The following SRGAP2B variants were observed in gnomAD, a reference collection of about 807,000 sequenced individuals.
SRGAP2B encodes the protein SLIT-ROBO Rho GTPase-activating protein 2B.
SRGAP2B carries 9 observed loss-of-function variants against 22.2 expected under a neutral mutation model. The ratio of observed to expected loss-of-function variants is 0.41; its 90% CI spans 0.24 to 0.71. The LOEUF is 0.71. Ranked by LOEUF, SRGAP2B falls within the 30% of genes least tolerant of loss-of-function variation. The probability of loss-of-function intolerance (pLI) is 0.35; values close to 1 mark genes in which losing one functional copy is unlikely to be tolerated. For synonymous variants in SRGAP2B, 36 were observed against 87.4 expected (o/e 0.41, Z 3.28); for missense variants, 114 against 235.8 (o/e 0.48, Z 3.38).
intron 7 of SRGAP2B, among the ~76,000 whole-genome samples, chr1:144,900,730 A>G (rs1206693410): frequency 2.2e-5 from 1 of 45,910 alleles, no homozygotes; most frequent in East Asian, 5.1e-4. Context: ...CAGATGTATG[A>G]TGACTTGAGT....
intron 4 of SRGAP2B, among the ~76,000 whole-genome samples, chr1:144,922,612 G>A (rs1169910228): frequency 6.6e-6 from 1 of 150,600 alleles, no homozygotes; most frequent in Admixed American, 6.6e-5. Context: ...GGTAGGGGTG[G>A]CAGAATGAAA....
intron 4 of SRGAP2B, among the ~76,000 whole-genome samples, chr1:144,927,042 C>T (rs587722811): frequency 2.6e-5 from 4 of 151,428 alleles, no homozygotes; most frequent in South Asian, 4.1e-4. Flanking sequence ...CTCTGCCTCC[C>T]GGCTTCACGC....
rs587733075 is a variant in SRGAP2B, at chr1:145,080,704, G to A, written c.67+12131C>T. On this transcript the variant is annotated intron_variant, in intron 2 of 9. Coordinates refer to ENST00000612199, the Ensembl canonical transcript of SRGAP2B. Reference sequence around the variant, plus strand: ...TAGCTAAGATAAATTACAGGCGCCCGCCACCATGCCCAGCTAACTTTTGTA... The same window carrying A: ...TAGCTAAGATAAATTACAGGCGCCCACCACCATGCCCAGCTAACTTTTGTA... Among the ~76,000 whole-genome samples, 21 of 148,742 alleles carry A rather than the reference G, an allele frequency of 1.4e-4. 2 individuals carry two copies. Among genetic ancestry groups the A allele is most frequent in the Non-Finnish European group, 2.1e-4 (14 of 67,644 alleles).
chr1:144,950,942 G>A (rs587759015), intron 4 of SRGAP2B, among the ~76,000 whole-genome samples: 6 of 150,370 alleles, frequency 4.0e-5, no homozygotes, highest in South Asian at 4.2e-4. Flanking sequence ...TCCACTTCCC[G>A]GGTTCAAGAG....
rs587746412 is a variant in SRGAP2B at position 144,941,121 on chromosome 1, C to T, written c.423+14318G>A. ...TACCCACAATATCTTGAAAAAAACACGTTACTACTTTTTAAAATTTTTTCT... is the reference window on the plus strand; with the variant it reads ...TACCCACAATATCTTGAAAAAAACATGTTACTACTTTTTAAAATTTTTTCT... On this transcript the variant is annotated intron_variant, in intron 4 of 9. Transcript: ENST00000612199. 2.0e-4 allele frequency among the ~76,000 whole-genome samples: 29 copies of T among 144,502 alleles called. 2 individuals carry two copies. Among genetic ancestry groups the T allele is most frequent in the African/African-American group, 5.8e-4 (22 of 37,900 alleles). 94.8% of individuals were successfully genotyped at this position (144,502 alleles called of 152,430 possible). A position where few individuals can be genotyped will look rare whatever the true frequency, so the allele number is the denominator to read the frequency against.
In SRGAP2B at chr1:145,061,635, T is replaced by G. The variant is rs1484678204; in HGVS notation, c.67+31200A>C. Among the ~76,000 whole-genome samples, 5 of 150,264 alleles carry G rather than the reference T, an allele frequency of 3.3e-5. No homozygotes were observed. In the East Asian group the frequency reaches 9.7e-4, roughly 29 times the overall value. On this transcript the variant is annotated intron_variant, in intron 2 of 9. Transcript: ENST00000612199. Reference sequence around the variant, plus strand: ...CAGGGTCTCACTCTGTCGCCCAGACTGGAGTGTAGTGGTGTGATCTCGGCT... The same window carrying G: ...CAGGGTCTCACTCTGTCGCCCAGACGGGAGTGTAGTGGTGTGATCTCGGCT...
intron 5 of SRGAP2B, among the ~76,000 whole-genome samples, chr1:144,912,557 T>C: frequency 6.8e-6 from 1 of 147,760 alleles, no homozygotes; most frequent in East Asian, 2.0e-4. Flanking sequence ...GTCAGATAAT[T>C]CTTTGTTGTG....
intron 4 of SRGAP2B, among the ~76,000 whole-genome samples, chr1:144,941,388 A>G (rs1553607368): frequency 7.7e-6 from 1 of 129,610 alleles, no homozygotes. Context: ...GGTCTTTTAA[A>G]CAATTAGTGC....
chr1:144,930,516 A>T (rs1180678461), intron 4 of SRGAP2B, among the ~76,000 whole-genome samples: 1 of 144,250 alleles, frequency 6.9e-6, no homozygotes, highest in Non-Finnish European at 1.5e-5. Context: ...CAAATGGAGG[A>T]ACTCTACAAG....
intron 2 of SRGAP2B, among the ~76,000 whole-genome samples, chr1:145,005,942 T>C (rs1479966779): frequency 6.6e-6 from 1 of 150,474 alleles, no homozygotes; most frequent in East Asian, 1.9e-4. Flanking sequence ...ATTGAGGGCC[T>C]GCTCTGCCAG....
chr1:144,996,268 C>G (rs12027856), intron 2 of SRGAP2B, among the ~76,000 whole-genome samples: 14 of 149,418 alleles, frequency 9.4e-5, no homozygotes, highest in South Asian at 8.4e-4. Flanking sequence ...CAATCCCCAT[C>G]TGAGTCAGAA....
At chr1:144,939,278 T>C (rs1174039299) in intron 4 of SRGAP2B, among the ~76,000 whole-genome samples, 1 of 147,184 alleles carries the variant, frequency 6.8e-6, no homozygotes, top group East Asian at 2.0e-4. Flanking sequence ...TCAGATAATA[T>C]GGAAATCTTC....
At chr1:144,991,036 C>T (rs1242663545) in intron 3 of SRGAP2B, among the ~76,000 whole-genome samples, 1 of 150,680 alleles carries the variant, frequency 6.6e-6, no homozygotes, top group Non-Finnish European at 1.5e-5. Flanking sequence ...GGAATGCGAG[C>T]GCACAGCGCA....
At chr1:144,991,208 C>T (rs1427932308) in intron 3 of SRGAP2B, among the ~76,000 whole-genome samples, 1 of 150,000 alleles carries the variant, frequency 6.7e-6, no homozygotes, top group African/African-American at 2.5e-5. Context: ...TTTGTGAGTG[C>T]ACCAATCGAC....
At chr1:144,951,097 C>A (rs1159099826) in intron 4 of SRGAP2B, among the ~76,000 whole-genome samples, 1 of 150,988 alleles carries the variant, frequency 6.6e-6, no homozygotes, top group African/African-American at 2.5e-5. Flanking sequence ...ATCTGCCCAC[C>A]TTGGCCTCCC....
intron 3 of SRGAP2B, among the ~76,000 whole-genome samples, chr1:144,981,200 C>T (rs782806582): frequency 1.9e-4 from 26 of 138,330 alleles, no homozygotes; most frequent in South Asian, 9.3e-4. Flanking sequence ...TAATTGGCTG[C>T]GAATTCCTGA....
At chr1:145,081,281 T>A (rs1418511360) in intron 2 of SRGAP2B, among the ~76,000 whole-genome samples, 17 of 149,180 alleles carry the variant, frequency 1.1e-4, no homozygotes, top group Admixed American at 1.1e-3. Context: ...GTAAAGCACC[T>A]AAAACAGAGC....
At chr1:144,928,511 C>T (rs1664926723) in intron 4 of SRGAP2B, among the ~76,000 whole-genome samples, 1 of 132,828 alleles carries the variant, frequency 7.5e-6, no homozygotes. Context: ...GATCTCTGCT[C>T]ACTGCAAGCT....
intron 3 of SRGAP2B, among the ~76,000 whole-genome samples, chr1:144,985,711 C>CA (rs1489289204): frequency 6.7e-6 from 1 of 149,894 alleles, no homozygotes; most frequent in Non-Finnish European, 1.5e-5. Flanking sequence ...TGCTCTTAAT[C>CA]AAACCAGGCT....
Sources: gnomAD v4.1 joint callset for allele counts (sites outside exome capture counted in the v4.1 genomes callset) on GRCh38, gnomAD v4.1.1 for gene constraint, MANE v1.5 for transcripts, NCBI Gene and HGNC (gene_info 2026-07-23, HGNC 2026-07-21) for gene names.